The following CPQ variants were observed in gnomAD, a reference collection of about 807,000 sequenced individuals.
CPQ encodes carboxypeptidase Q.
A neutral mutation model predicts 45.7 loss-of-function variants in CPQ; 37 were observed. The ratio of observed to expected loss-of-function variants is 0.81; its 90% CI spans 0.62 to 1.07. CPQ has a LOEUF of 1.07. CPQ is among the 50% of genes least tolerant of loss of function. The pLI is 0.00. For missense variants in CPQ, 537 were observed against 572.9 expected, an observed-to-expected ratio of 0.94 and a Z score of 0.64; for synonymous variants, 186 against 205.8, an observed-to-expected ratio of 0.90 and a Z score of 0.82.
intron 7 of CPQ, among the ~76,000 whole-genome samples, chr8:97,077,120 C>T (rs72664562): frequency 0.013 from 2,026 of 152,276 alleles, 21 homozygotes; most frequent in Middle Eastern, 0.031. Flanking sequence ...ATGGCAACCA[C>T]GGTGGCACAC....
At chr8:96,933,896 C>T (rs559202542) in intron 4 of CPQ, among the ~76,000 whole-genome samples, 7 of 152,132 alleles carry the variant, frequency 4.6e-5, no homozygotes, top group Non-Finnish European at 8.8e-5. Flanking sequence ...TTGAGCAAAT[C>T]ACTTGGCTTC....
At chr8:96,821,126 A>ATTTTT (rs572906188) in intron 2 of CPQ, among the ~76,000 whole-genome samples, 276 of 60,584 alleles carry the variant, frequency 4.6e-3, no homozygotes, top group Middle Eastern at 0.013. Flanking sequence ...TTTAATCTGA[A>ATTTTT]TTTTTTTTTT....
intron 1 of CPQ, among the ~76,000 whole-genome samples, chr8:96,704,566 A>C (rs566194730): frequency 1.3e-5 from 2 of 152,302 alleles, no homozygotes; most frequent in East Asian, 3.9e-4. Context: ...AGGTCAAAGA[A>C]TGGAACATTA....
At chr8:96,860,840 A>G (rs548181948) in intron 3 of CPQ, among the ~76,000 whole-genome samples, 21 of 152,262 alleles carry the variant, frequency 1.4e-4, no homozygotes, top group Admixed American at 3.3e-4. Flanking sequence ...AACAGCATTA[A>G]TATCCTGCCT....
chr8:97,126,069 G>A lies in CPQ; in HGVS notation c.1256-16951G>A, dbSNP rs1811841672. On this transcript the variant is annotated intron_variant, in intron 7 of 7. Transcript: ENST00000220763. The stretch of plus-strand genomic sequence containing the variant: ...TGTAGTTAACTATGTGTGTATTCAG[G>A]GAGGTAAAGGAAGACAAAGCTTTTT... 2.0e-5 allele frequency among the ~76,000 whole-genome samples: 3 copies of A among 152,132 alleles called. No individual in the cohort carries two copies. In the South Asian group the frequency reaches 6.2e-4, roughly 32 times the overall value.
intron 2 of CPQ, among the ~76,000 whole-genome samples, chr8:96,829,595 T>G (rs1034419363): frequency 6.6e-6 from 1 of 152,132 alleles, no homozygotes; most frequent in African/African-American, 2.4e-5. Flanking sequence ...TCATCTATTT[T>G]TGTCTTCTCT....
At chr8:96,962,237 A>T (rs2130356169) in intron 4 of CPQ, among the ~76,000 whole-genome samples, 1 of 152,302 alleles carries the variant, frequency 6.6e-6, no homozygotes, top group East Asian at 1.9e-4. Flanking sequence ...TAGAGTTCCC[A>T]TTCTGCCTTT....
intron 7 of CPQ, among the ~76,000 whole-genome samples, chr8:97,091,613 A>C (rs1811125384): frequency 6.6e-6 from 1 of 152,132 alleles, no homozygotes; most frequent in African/African-American, 2.4e-5. Context: ...GCTGGTTTTT[A>C]AATTAATCTT....
chr8:96,704,538 A>T (rs112614351), intron 1 of CPQ, among the ~76,000 whole-genome samples: 3,655 of 152,268 alleles, frequency 0.024, 161 homozygotes, highest in African/African-American at 0.083. Context: ...AAGAGTATAT[A>T]TTCTAGGCAG....
chr8:96,830,103 T>G (rs1396060688), intron 2 of CPQ, among the ~76,000 whole-genome samples: 1 of 152,156 alleles, frequency 6.6e-6, no homozygotes, highest in Non-Finnish European at 1.5e-5. Context: ...TCTTGCATAG[T>G]GCACACATTA....
At chr8:96,751,494 T>C (rs1301383632) in intron 1 of CPQ, among the ~76,000 whole-genome samples, 1 of 152,228 alleles carries the variant, frequency 6.6e-6, no homozygotes, top group East Asian at 1.9e-4. Context: ...GTTTAATTTT[T>C]TCTTGTAAAT....
intron 1 of CPQ, among the ~76,000 whole-genome samples, chr8:96,770,361 A>G (rs573676099): frequency 7.2e-5 from 11 of 152,168 alleles, no homozygotes; most frequent in Non-Finnish European, 1.3e-4. Flanking sequence ...AGAACCAGTG[A>G]GACAAGAAAG....
At chr8:97,139,101 C>G (rs1434874961) in intron 7 of CPQ, among the ~76,000 whole-genome samples, 4 of 152,238 alleles carry the variant, frequency 2.6e-5, no homozygotes, top group Middle Eastern at 3.4e-3. Flanking sequence ...GGGTAATACT[C>G]TGCAAAAAGA....
chr8:96,676,958 G>T (rs1393060396), intron 1 of CPQ, among the ~76,000 whole-genome samples: 2 of 151,914 alleles, frequency 1.3e-5, no homozygotes, highest in Non-Finnish European at 2.9e-5. Flanking sequence ...ATTTTACTTA[G>T]AATAATGGCC....
In CPQ at chr8:96,680,979, T is replaced by C. The variant is rs180724026; in HGVS notation, c.-35+35577T>C. Among the ~76,000 whole-genome samples the C allele has an allele frequency of 3.0e-4, 46 of 152,272 alleles. 1 individual carries two copies. In the East Asian group the frequency reaches 8.7e-3, roughly 29 times the overall value. ...CTTGAAAGAGATGATTTAGGGTATC[T>C]AGTAGAAGAAATTTCTAAGCAGCAA... On this transcript the variant is annotated intron_variant, in intron 1 of 7. Coordinates refer to ENST00000220763, the MANE Select transcript of CPQ (RefSeq NM_016134.4).
At chr8:97,007,019 T>C (rs1329907433) in intron 5 of CPQ, among the ~76,000 whole-genome samples, 1 of 152,114 alleles carries the variant, frequency 6.6e-6, no homozygotes, top group Non-Finnish European at 1.5e-5. Context: ...TGAAGAAACA[T>C]AAAAGAAAAC....
At chr8:96,957,106 A>C (rs1265427016) in intron 4 of CPQ, among the ~76,000 whole-genome samples, 1 of 152,202 alleles carries the variant, frequency 6.6e-6, no homozygotes, top group African/African-American at 2.4e-5. Context: ...TTAAGCATCC[A>C]AATAAAAGTT....
intron 1 of CPQ, among the ~76,000 whole-genome samples, chr8:96,728,085 C>T (rs760740321): frequency 1.1e-4 from 16 of 152,122 alleles, no homozygotes; most frequent in Non-Finnish European, 2.2e-4. Context: ...GAGGAGACCT[C>T]ATTGTGACAT....
At chr8:96,682,050 A>G (rs1288986465) in intron 1 of CPQ, among the ~76,000 whole-genome samples, 1 of 152,206 alleles carries the variant, frequency 6.6e-6, no homozygotes, top group Non-Finnish European at 1.5e-5. Context: ...CTTCACTAAG[A>G]TGAAACTTTG....
Sources: gnomAD v4.1 joint callset for allele counts (sites outside exome capture counted in the v4.1 genomes callset) on GRCh38, gnomAD v4.1.1 for gene constraint, MANE v1.5 for transcripts, NCBI Gene and HGNC (gene_info 2026-07-23, HGNC 2026-07-21) for gene names.